Variants in KATNAL1 observed in about 807,000 individuals in gnomAD.
KATNAL1 encodes the protein katanin catalytic subunit A1 like 1, also known as katanin p60 ATPase-containing subunit A-like 1.
A neutral mutation model predicts 55.2 loss-of-function variants in KATNAL1; 32 were observed. The ratio of observed to expected loss-of-function variants is 0.58; its 90% confidence interval spans 0.44 to 0.78. KATNAL1 has a LOEUF of 0.78. KATNAL1 is among the 30% of genes least tolerant of loss of function. KATNAL1 has a pLI of 0.00. For synonymous variants in KATNAL1, 193 were observed against 193.6 expected, an observed-to-expected ratio of 1.00 and a Z score of 0.02; for missense variants, 466 against 600.9, an observed-to-expected ratio of 0.78 and a Z score of 2.35.
In KATNAL1 at chr13:30,210,462, G is replaced by A; in HGVS notation, c.1148-20C>T. On this transcript the variant is annotated intron_variant, in intron 9 of 10. Coordinates refer to ENST00000380615, the MANE Select transcript of KATNAL1 (RefSeq NM_032116.5). Reference sequence around the variant, plus strand: ...CTTTTGCTGTTACAAGATTTTGGTGGTGTTGTTAGATGTTTTACTTTACAA... The same window carrying A: ...CTTTTGCTGTTACAAGATTTTGGTGATGTTGTTAGATGTTTTACTTTACAA... 1 of 1,591,764 alleles carries A rather than the reference G, an allele frequency of 6.3e-7. No homozygotes were observed. The highest frequency in any genetic ancestry group is 8.5e-7 in the Non-Finnish European group (1 of 1,173,166).
chr13:30,269,943 A>AG (rs1320307625), intron 3 of KATNAL1, among the ~76,000 whole-genome samples: 1 of 141,338 alleles, frequency 7.1e-6, no homozygotes, highest in African/African-American at 2.7e-5. Flanking sequence ...CCGGGAGGTG[A>AG]GGGGCACCTC....
intron 3 of KATNAL1, among the ~76,000 whole-genome samples, chr13:30,259,382 A>G (rs1879059535): frequency 6.6e-6 from 1 of 151,914 alleles, no homozygotes. Flanking sequence ...AGATGGCCCA[A>G]TAGGAACAGC....
intron 3 of KATNAL1, among the ~76,000 whole-genome samples, chr13:30,274,892 C>CATACGCGCGCGT (rs1555265583): frequency 1.1e-5 from 1 of 88,146 alleles, no homozygotes; most frequent in East Asian, 3.9e-4. Flanking sequence ...CACACACATA[C>CATACGCGCGCGT]GCGCGCGCGC....
At chr13:30,211,315 T>A (rs569875051) in intron 9 of KATNAL1, among the ~76,000 whole-genome samples, 2 of 152,154 alleles carry the variant, frequency 1.3e-5, no homozygotes, top group African/African-American at 4.8e-5. Flanking sequence ...GCTCGTCATC[T>A]CTCCTCCCTC....
At chr13:30,295,873 A>G (rs1882451164) in intron 1 of KATNAL1, among the ~76,000 whole-genome samples, 1 of 152,190 alleles carries the variant, frequency 6.6e-6, no homozygotes, top group Non-Finnish European at 1.5e-5. Context: ...CACAAAAGGA[A>G]GAGTCAATAC....
At chr13:30,270,142 C>A (rs1249192570) in intron 3 of KATNAL1, among the ~76,000 whole-genome samples, 1 of 137,762 alleles carries the variant, frequency 7.3e-6, no homozygotes, top group Non-Finnish European at 1.7e-5. Context: ...GCCCGGCCGC[C>A]CCTACTGGGA....
intron 3 of KATNAL1, among the ~76,000 whole-genome samples, chr13:30,257,938 A>C (rs1878930389): frequency 6.6e-6 from 1 of 152,218 alleles, no homozygotes; most frequent in Non-Finnish European, 1.5e-5. Flanking sequence ...TCTGTTCTGT[A>C]CTTCTTTGTC....
intron 6 of KATNAL1, among the ~76,000 whole-genome samples, chr13:30,232,867 T>C (rs1876247500): frequency 6.6e-6 from 1 of 152,124 alleles, no homozygotes; most frequent in Non-Finnish European, 1.5e-5. Flanking sequence ...GTCTCTTCAA[T>C]AAATGTTGCT....
intron 3 of KATNAL1, among the ~76,000 whole-genome samples, chr13:30,265,237 G>A (rs1190165498): frequency 2.0e-5 from 3 of 151,344 alleles, no homozygotes; most frequent in Admixed American, 6.6e-5. Flanking sequence ...GTGGGGGGAC[G>A]GGGGAGGGAT....
intron 3 of KATNAL1, among the ~76,000 whole-genome samples, chr13:30,257,667 T>C (rs573095957): frequency 6.6e-6 from 1 of 152,328 alleles, no homozygotes; most frequent in African/African-American, 2.4e-5. Context: ...AGCTGTATTG[T>C]GGAAGAATTG....
intron 4 of KATNAL1, among the ~76,000 whole-genome samples, chr13:30,243,135 G>T (rs1012347342): frequency 6.6e-6 from 1 of 152,164 alleles, no homozygotes; most frequent in Non-Finnish European, 1.5e-5. Context: ...GTCAACATTA[G>T]CAAGAATTTG....
At chr13:30,233,702 A>C (rs1876350450) in intron 6 of KATNAL1, among the ~76,000 whole-genome samples, 1 of 152,232 alleles carries the variant, frequency 6.6e-6, no homozygotes, top group South Asian at 2.1e-4. Flanking sequence ...CTAAGTGCCC[A>C]ACAATGGATG....
intron 4 of KATNAL1, among the ~76,000 whole-genome samples, chr13:30,248,901 T>C (rs1455391207): frequency 6.6e-6 from 1 of 151,964 alleles, no homozygotes; most frequent in Admixed American, 6.6e-5. Flanking sequence ...CTACCAAAAA[T>C]ACAAAAAATT....
At chr13:30,252,359 C>T (rs1388175695) in intron 4 of KATNAL1, among the ~76,000 whole-genome samples, 2 of 152,118 alleles carry the variant, frequency 1.3e-5, no homozygotes, top group Non-Finnish European at 2.9e-5. Flanking sequence ...ATACAGTTCC[C>T]AACACCAAAT....
chr13:30,296,785 G>A (rs1882530934), intron 1 of KATNAL1: 1 of 442,902 alleles, frequency 2.3e-6, no homozygotes, highest in Non-Finnish European at 4.5e-6. Flanking sequence ...GCCTGTGCTG[G>A]GTGCTCACCT....
At chr13:30,299,105 G>A (rs1882706984) in intron 1 of KATNAL1, among the ~76,000 whole-genome samples, 1 of 152,104 alleles carries the variant, frequency 6.6e-6, no homozygotes, top group South Asian at 2.1e-4. Context: ...GGAGCCTGGA[G>A]ACAATGAAAT....
At chr13:30,282,603 A>G (rs1881443703) in intron 2 of KATNAL1, among the ~76,000 whole-genome samples, 1 of 151,280 alleles carries the variant, frequency 6.6e-6, no homozygotes, top group African/African-American at 2.4e-5. Context: ...GCACCACTGC[A>G]CTCTAGCCTG....
intron 3 of KATNAL1, among the ~76,000 whole-genome samples, chr13:30,267,278 A>G (rs1285598823): frequency 6.6e-6 from 1 of 152,230 alleles, no homozygotes; most frequent in Non-Finnish European, 1.5e-5. Flanking sequence ...TCATATTATC[A>G]GGACTATACA....
Position 30,208,532 on chromosome 13 carries a change from A to C in KATNAL1, c.*8T>G. The C allele has an allele frequency of 6.6e-7, 1 of 1,505,210 alleles. No individual in the cohort carries two copies. The highest frequency in any genetic ancestry group is 8.9e-7 in the Non-Finnish European group (1 of 1,119,218). The allele number at this position is 1,505,210 out of a possible 1,614,324, so 93.2% of individuals were successfully genotyped here. A position where few individuals can be genotyped will look rare whatever the true frequency, so the allele number is the denominator to read the frequency against. On this transcript the variant is annotated 3_prime_UTR_variant, in exon 11 of 11. Coordinates refer to ENST00000380615, the MANE Select transcript of KATNAL1 (RefSeq NM_032116.5). ...AAAAATACCAGAAATTAAAGAGCTG[A>C]CAGAAATTCAAGCAGATCCAAATTC...
Sources: allele counts gnomAD v4.1 joint callset (sites outside exome capture counted in the v4.1 genomes callset), GRCh38; gene constraint gnomAD v4.1.1; transcripts MANE v1.5; gene names NCBI Gene and HGNC (gene_info 2026-07-23, HGNC 2026-07-21).